Variants in AFF3 observed in about 807,000 individuals in gnomAD.
AFF3 encodes the protein AF4/FMR2 family member 3.
In AFF3, 32 loss-of-function variants were observed where a neutral mutation model predicts 129.7. That is an observed-to-expected ratio of 0.25 (90% CI 0.19 to 0.33). The LOEUF is 0.33. Among genes scored for constraint, AFF3 ranks in the 10% least tolerant of loss-of-function variants. The probability of loss-of-function intolerance (pLI) is 1.00; values close to 1 mark genes in which losing one functional copy is unlikely to be tolerated. For synonymous variants in AFF3, 644 were observed against 635.4 expected (o/e 1.01, Z -0.20); for missense variants, 1,373 against 1,592.0 (o/e 0.86, Z 2.34).
At chr2:99,978,139 T>A (rs1271619596) in intron 7 of AFF3, among the ~76,000 whole-genome samples, 3 of 152,202 alleles carry the variant, frequency 2.0e-5, no homozygotes, top group African/African-American at 7.2e-5. Context: ...AGAATTCCTA[T>A]TAGGTTAATG....
chr2:99,812,812 C>A (rs1263424411), intron 8 of AFF3, among the ~76,000 whole-genome samples: 1 of 151,664 alleles, frequency 6.6e-6, no homozygotes, highest in African/African-American at 2.4e-5. Context: ...AATTTTTTTT[C>A]TTTTTGCCAT....
chr2:99,674,939 T>C (rs1408561085), intron 11 of AFF3, among the ~76,000 whole-genome samples: 1 of 152,212 alleles, frequency 6.6e-6, no homozygotes, highest in Non-Finnish European at 1.5e-5. Flanking sequence ...ATTTCAAACA[T>C]GTGCTAAACG....
chr2:99,919,702 C>A (rs1695725372), intron 7 of AFF3, among the ~76,000 whole-genome samples: 1 of 151,104 alleles, frequency 6.6e-6, no homozygotes, highest in Non-Finnish European at 1.5e-5. Context: ...CAAAAGTATG[C>A]ACAAGAAAAA....
At chr2:99,803,930 CTCCAGACGGATCAAACACT>C (rs547099265) in intron 8 of AFF3, among the ~76,000 whole-genome samples, 49 of 152,272 alleles carry the variant, frequency 3.2e-4, no homozygotes, top group African/African-American at 1.0e-3. Context: ...CAAAAATCAA[CTCCAGACGGATCAAACACT>C]TAAATCTAAG....
chr2:100,071,895 C>T (rs1688217161), intron 4 of AFF3, among the ~76,000 whole-genome samples: 1 of 152,176 alleles, frequency 6.6e-6, no homozygotes, highest in African/African-American at 2.4e-5. Context: ...TGGTTATCTA[C>T]AGGTAGTACA....
At chr2:100,013,620 G>T (rs923690225) in intron 4 of AFF3, among the ~76,000 whole-genome samples, 1 of 152,300 alleles carries the variant, frequency 6.6e-6, no homozygotes, top group African/African-American at 2.4e-5. Context: ...AAGCCCAGTA[G>T]TGAGAAGTAG....
intron 22 of AFF3, among the ~76,000 whole-genome samples, chr2:99,557,769 C>G (rs1248602665): frequency 6.6e-6 from 1 of 152,122 alleles, no homozygotes; most frequent in Non-Finnish European, 1.5e-5. Context: ...AATTGGAAGG[C>G]AGTGTGCTGA....
chr2:99,656,286 T>C (rs142048155), intron 12 of AFF3, among the ~76,000 whole-genome samples: 3 of 152,324 alleles, frequency 2.0e-5, no homozygotes, highest in African/African-American at 7.2e-5. Context: ...TTGGGATATA[T>C]CTTTGTGTTT....
intron 13 of AFF3, among the ~76,000 whole-genome samples, chr2:99,649,329 T>C (rs1338714995): frequency 6.6e-6 from 1 of 152,228 alleles, no homozygotes; most frequent in Non-Finnish European, 1.5e-5. Context: ...AGCTTAGATC[T>C]CAGCCAGTTC....
chr2:99,941,029 G>A (rs1576393520), intron 7 of AFF3, among the ~76,000 whole-genome samples: 1 of 152,298 alleles, frequency 6.6e-6, no homozygotes, highest in Non-Finnish European at 1.5e-5. Context: ...AAGGCTGACG[G>A]AGGCTAAAGA....
At chr2:100,136,365 C>T (rs1692642982) in intron 1 of AFF3, among the ~76,000 whole-genome samples, 1 of 151,968 alleles carries the variant, frequency 6.6e-6, no homozygotes, top group Admixed American at 6.5e-5. Flanking sequence ...AAGGCGCGGC[C>T]AGTGTGGTAG....
chr2:99,586,645 G>T (rs1366807142), intron 16 of AFF3, among the ~76,000 whole-genome samples: 1 of 152,154 alleles, frequency 6.6e-6, no homozygotes, highest in Non-Finnish European at 1.5e-5. Flanking sequence ...GTCAGTGCTG[G>T]ATGCGTCCAT....
chr2:99,848,970 T>C (rs1208602567), intron 7 of AFF3, among the ~76,000 whole-genome samples: 1 of 152,104 alleles, frequency 6.6e-6, no homozygotes, highest in Non-Finnish European at 1.5e-5. Context: ...CTACTTAATG[T>C]AACATGCAAC....
At chr2:99,904,240 A>G (rs1014878666) in intron 7 of AFF3, among the ~76,000 whole-genome samples, 6 of 152,102 alleles carry the variant, frequency 3.9e-5, no homozygotes, top group African/African-American at 1.4e-4. Flanking sequence ...TGCCCAATAC[A>G]CAATGCAAAA....
chr2:99,734,931 T>C (rs1680125841), intron 10 of AFF3, among the ~76,000 whole-genome samples: 1 of 152,130 alleles, frequency 6.6e-6, no homozygotes. Flanking sequence ...AAGAAGGGTG[T>C]AGGTTTGGAA....
At chr2:99,701,686 T>C (rs1010527543) in intron 11 of AFF3, among the ~76,000 whole-genome samples, 3 of 152,230 alleles carry the variant, frequency 2.0e-5, no homozygotes, top group Non-Finnish European at 4.4e-5. Flanking sequence ...CATGGACTCA[T>C]TTGTGCATGT....
chr2:99,833,449 T>C (rs557056937), intron 8 of AFF3, among the ~76,000 whole-genome samples: 1 of 152,322 alleles, frequency 6.6e-6, no homozygotes, highest in South Asian at 2.1e-4. Context: ...AAATTAGTGC[T>C]AAAGATGATG....
chr2:99,885,608 G>A (rs1358232263), intron 7 of AFF3, among the ~76,000 whole-genome samples: 1 of 152,196 alleles, frequency 6.6e-6, no homozygotes, highest in Non-Finnish European at 1.5e-5. Context: ...TTTCAGGGAT[G>A]GGAGTTTCAA....
At chr2:99,887,006 T>C (rs1296540612) in intron 7 of AFF3, among the ~76,000 whole-genome samples, 1 of 152,242 alleles carries the variant, frequency 6.6e-6, no homozygotes, top group African/African-American at 2.4e-5. Context: ...CACTTCTCTC[T>C]TAACTTCCCT....
Sources: allele counts gnomAD v4.1 joint callset (sites outside exome capture counted in the v4.1 genomes callset), GRCh38; gene constraint gnomAD v4.1.1; transcripts MANE v1.5; gene names NCBI Gene and HGNC (gene_info 2026-07-23, HGNC 2026-07-21).